Variants in ABCA12 observed in about 807,000 individuals in gnomAD.
ABCA12 encodes the protein ATP binding cassette subfamily A member 12.
Under a neutral mutation model 293.5 loss-of-function variants are expected in ABCA12, and 156 were observed. The observed-to-expected ratio is 0.53, with a 90% CI of 0.47 to 0.61. The LOEUF is 0.61. ABCA12 is among the 20% of genes least tolerant of loss of function. The pLI is 0.00. For missense variants in ABCA12, 2,797 were observed against 3,090.2 expected (o/e 0.91, Z 2.25); for synonymous variants, 1,063 against 1,108.0 (o/e 0.96, Z 0.81).
Position 215,045,956 on chromosome 2 carries a change from A to T in ABCA12, c.753T>A (p.Ser251=), listed in dbSNP as rs1378492965. 6.2e-7 allele frequency: 1 copy of T among 1,613,756 alleles called. No homozygotes were observed. ...TCTGCTCTTGCACTTGTGAGAAGAA[A>T]GACAGCATTCTGACTATTTCCTGAA... is the stretch of plus-strand genomic sequence containing the variant. ...IVFQEIVRML[S]FFSQVQEQKA... Residue 251 remains serine, a synonymous_variant, in exon 7 of 53, where the codon TCT becomes TCA. Transcript: ENST00000272895.
intron 15 of ABCA12, among the ~76,000 whole-genome samples, chr2:215,014,781 T>G (rs1700453676): frequency 6.6e-6 from 1 of 152,232 alleles, no homozygotes; most frequent in Non-Finnish European, 1.5e-5. Flanking sequence ...TGTCAGCTAT[T>G]TCCTTTTGGT....
At chr2:215,101,798 G>C (rs1702362460) in intron 2 of ABCA12, among the ~76,000 whole-genome samples, 1 of 152,128 alleles carries the variant, frequency 6.6e-6, no homozygotes. Flanking sequence ...AAAGCCTAAG[G>C]AAATAGCTAG....
chr2:215,121,976 G>T (rs1702816116), intron 1 of ABCA12, among the ~76,000 whole-genome samples: 1 of 152,130 alleles, frequency 6.6e-6, no homozygotes, highest in Non-Finnish European at 1.5e-5. Flanking sequence ...GCAGCATGAG[G>T]ACAGACTAAT....
At chr2:215,030,718 G>A (rs1427868307) in intron 9 of ABCA12, among the ~76,000 whole-genome samples, 1 of 152,180 alleles carries the variant, frequency 6.6e-6, no homozygotes, top group African/African-American at 2.4e-5. Flanking sequence ...CTTAGAGGAT[G>A]AGAGAGATGG....
At chr2:214,938,879 T>A (rs955010988) in intron 50 of ABCA12, among the ~76,000 whole-genome samples, 1 of 152,192 alleles carries the variant, frequency 6.6e-6, no homozygotes, top group Non-Finnish European at 1.5e-5. Context: ...ATGGATAGAT[T>A]GCAAAAATTT....
intron 34 of ABCA12, 113 bp downstream of exon 34, chr2:214,975,672 T>A: frequency 7.1e-7 from 1 of 1,400,732 alleles, no homozygotes; most frequent in Non-Finnish European, 1.0e-6. Context: ...CAGAATCAGG[T>A]ACCATGGCTT....
At chr2:214,937,012 G>T (rs905352419) in intron 51 of ABCA12, among the ~76,000 whole-genome samples, 3 of 151,728 alleles carry the variant, frequency 2.0e-5, no homozygotes, top group African/African-American at 7.3e-5. Context: ...ATTAATTGAT[G>T]CTATTTGTTC....
In ABCA12 at chr2:214,958,343, T is replaced by A; in HGVS notation, c.6051A>T (p.Lys2017Asn). The part of the protein sequence containing the change: ...YVVREHQTKA[K>N]QLQHISGIGV... ...CAATGCCTGAAATGTGCTGCAACTG[T>A]TTGGCTTTGGTTTGATGTTCCCTTA... Residue 2017 changes from lysine to asparagine, a missense_variant, in exon 41 of 53, where the codon AAA becomes AAT. Physicochemically the swap from Lys to Asn is moderately conservative, Grantham distance 94 (BLOSUM62 0). Coordinates refer to ENST00000272895, the MANE Select transcript of ABCA12 (RefSeq NM_173076.3). 1 of 1,614,014 alleles carries A rather than the reference T, an allele frequency of 6.2e-7. No individual in the cohort carries two copies. The highest frequency in any genetic ancestry group is 8.5e-7 in the Non-Finnish European group (1 of 1,179,912).
rs568087631 is a variant in ABCA12, at chr2:214,945,491, T to A, written c.7240-387A>T. Among the ~76,000 whole-genome samples, 5 of 152,360 alleles carry A rather than the reference T, an allele frequency of 3.3e-5. No individual in the cohort carries two copies. In the South Asian group the frequency reaches 8.3e-4, roughly 25 times the overall value. Reference sequence around the variant, plus strand: ...GCAGAATTGTGGCTATGAGTGATAATATGCTATGTGAAACAGAAAGAACAT... The same window carrying A: ...GCAGAATTGTGGCTATGAGTGATAAAATGCTATGTGAAACAGAAAGAACAT... On this transcript the variant is annotated intron_variant, in intron 48 of 52. Transcript: ENST00000272895.
rs556466551 is a variant in ABCA12 at position 214,941,857 on chromosome 2, C to T, written c.7436+1068G>A. Among the ~76,000 whole-genome samples the T allele has an allele frequency of 5.3e-5, 8 of 151,970 alleles. No homozygotes were observed. In the East Asian group the frequency reaches 1.6e-3, roughly 29 times the overall value. On this transcript the variant is annotated intron_variant, in intron 50 of 52. Transcript: ENST00000272895. ...TTTTGAGCCCATGTGTGTCTCTGCA[C>T]ATGAGATGGGTCTCCTGAATACAGC...
intron 27 of ABCA12, among the ~76,000 whole-genome samples, chr2:214,987,168 T>C (rs1699806668): frequency 6.6e-6 from 1 of 152,186 alleles, no homozygotes. Flanking sequence ...CTACACCTCC[T>C]TCAGGCATCA....
intron 47 of ABCA12, 95 bp downstream of exon 47, chr2:214,948,501 G>C: frequency 2.9e-6 from 4 of 1,358,656 alleles, no homozygotes; most frequent in Non-Finnish European, 3.1e-6. Flanking sequence ...AGGGGAAATG[G>C]TGGGGCAGGG....
rs192047860 is a variant in ABCA12 at position 215,041,467 on chromosome 2, G to A, written c.872+4370C>T. On this transcript the variant is annotated intron_variant, in intron 7 of 52. Coordinates refer to ENST00000272895, the MANE Select transcript of ABCA12 (RefSeq NM_173076.3). ...CTCGGGAGGCTAAGGCAGAAGAATC[G>A]CTTGAACCCAGGAGGCAGAGGTTGC... Among the ~76,000 whole-genome samples the A allele has an allele frequency of 1.3e-3, 196 of 151,030 alleles. 1 individual carries two copies. The highest frequency in any genetic ancestry group is 6.9e-3 in the Middle Eastern group (2 of 290).
intron 2 of ABCA12, among the ~76,000 whole-genome samples, chr2:215,085,720 C>T (rs868126476): frequency 6.6e-6 from 1 of 152,070 alleles, no homozygotes; most frequent in African/African-American, 2.4e-5. Context: ...ATTCTATAGA[C>T]ATTTTGGCAC....
intron 9 of ABCA12, among the ~76,000 whole-genome samples, chr2:215,030,556 ATGGCGCCACTGCACTCCAGCC>A (rs1700852827): frequency 6.6e-6 from 1 of 151,178 alleles, no homozygotes; most frequent in Non-Finnish European, 1.5e-5. Context: ...GTGAGCCGAG[ATGGCGCCACTGCACTCCAGCC>A]TGGGCGACAG....
At position 214,975,958 on chromosome 2, in the gene ABCA12, C is replaced by T. The variant is rs779509686; in HGVS notation, c.5208G>A (p.Arg1736=). 1.5e-5 allele frequency: 24 copies of T among 1,614,064 alleles called. No individual in the cohort carries two copies. In the South Asian group the frequency reaches 2.6e-4, roughly 18 times the overall value. ...TCCAGTTCCTGCGGGTGTGGTGGAA[C>T]CTCTTGATGAGTATAGCCATGATCT... ...LKKIMAILIK[R]FHHTRRNWKG... The change falls in exon 34 of 53, where the codon AGG becomes AGA. Residue 1736 remains arginine (R), a synonymous_variant. Transcript: ENST00000272895.
intron 1 of ABCA12, among the ~76,000 whole-genome samples, chr2:215,132,288 C>T (rs972775602): frequency 6.6e-6 from 1 of 152,010 alleles, no homozygotes; most frequent in Non-Finnish European, 1.5e-5. Flanking sequence ...CCAGAGTTTC[C>T]TTGTTGATTT....
At chr2:215,110,814 T>C (rs1702557576) in intron 2 of ABCA12, among the ~76,000 whole-genome samples, 1 of 152,248 alleles carries the variant, frequency 6.6e-6, no homozygotes, top group Non-Finnish European at 1.5e-5. Context: ...CAATCTAATT[T>C]ATAGAAATTT....
chr2:214,949,077 G>A lies in ABCA12; in HGVS notation c.6925C>T (p.Pro2309Ser). Residue 2309 changes from proline to serine, a missense_variant, in exon 46 of 53, where the codon CCT (proline) becomes TCT (serine). By Grantham distance (74) the Pro-to-Ser change is moderately conservative. This residue lies in a region of ABCA12 where 2,130 missense variants were observed against 2,427.0 expected (regional missense o/e 0.88). Coordinates refer to ENST00000272895, the MANE Select transcript of ABCA12 (RefSeq NM_173076.3). The part of the protein sequence containing the change: ...IFKMLTGDII[P>S]SSGNILIRNK... ...CTGATCAGAATGTTTCCACTTGAAGGAATGATGTCTCCTGTCAGCATCTTG... is the reference window on the plus strand; with the variant it reads ...CTGATCAGAATGTTTCCACTTGAAGAAATGATGTCTCCTGTCAGCATCTTG... 4 of 1,613,714 alleles carry A rather than the reference G, an allele frequency of 2.5e-6. No homozygotes were observed. The highest frequency in any genetic ancestry group is 3.4e-6 in the Non-Finnish European group (4 of 1,179,890).
Sources: allele counts gnomAD v4.1 joint callset (sites outside exome capture counted in the v4.1 genomes callset), GRCh38; gene constraint gnomAD v4.1.1; regional missense constraint gnomAD v4.1.1; transcripts MANE v1.5; gene names NCBI Gene and HGNC (gene_info 2026-07-23, HGNC 2026-07-21).